The following PLCB1 variants were observed in gnomAD, a reference collection of about 807,000 sequenced individuals.
PLCB1 encodes the protein 1-phosphatidylinositol 4,5-bisphosphate phosphodiesterase beta-1.
PLCB1 carries 46 observed loss-of-function variants against 161.8 expected under a neutral mutation model. That is an observed-to-expected ratio of 0.28 (90% CI 0.22 to 0.36). The LOEUF is 0.36. Among genes scored for constraint, PLCB1 ranks in the 10% least tolerant of loss-of-function variants. The pLI, the probability that PLCB1 is intolerant of heterozygous loss-of-function variation, is 1.00. For synonymous variants in PLCB1, 517 were observed against 503.7 expected, an observed-to-expected ratio of 1.03 and a Z score of -0.35; for missense variants, 1,016 against 1,472.5, an observed-to-expected ratio of 0.69 and a Z score of 5.07.
intron 31 of PLCB1, among the ~76,000 whole-genome samples, chr20:8,871,461 C>A (rs1008707888): frequency 6.6e-5 from 10 of 152,114 alleles, no homozygotes; most frequent in African/African-American, 9.7e-5. Context: ...AAAGTATTTC[C>A]CATATTACCT....
chr20:8,780,998 T>C (rs570815426), intron 27 of PLCB1, among the ~76,000 whole-genome samples: 11 of 152,346 alleles, frequency 7.2e-5, no homozygotes, highest in African/African-American at 2.6e-4. Flanking sequence ...ATTACAGTTT[T>C]TTATATCTTG....
intron 19 of PLCB1, among the ~76,000 whole-genome samples, chr20:8,735,051 T>C (rs1980508711): frequency 6.6e-6 from 1 of 152,230 alleles, no homozygotes; most frequent in Admixed American, 6.5e-5. Context: ...TTGGCAGAAT[T>C]AGAGTTTATT....
chr20:8,333,967 T>C (rs185946032), intron 2 of PLCB1, among the ~76,000 whole-genome samples: 233 of 152,300 alleles, frequency 1.5e-3, no homozygotes, highest in Non-Finnish European at 2.6e-3. Context: ...CCCAGCACTT[T>C]GGGAAGCGGA....
chr20:8,711,382 A>G (rs975342906), intron 12 of PLCB1, among the ~76,000 whole-genome samples: 2 of 152,258 alleles, frequency 1.3e-5, no homozygotes, highest in Admixed American at 1.3e-4. Context: ...AAAACTGGAC[A>G]TGAAAACTAA....
At chr20:8,290,734 A>G (rs1410751395) in intron 2 of PLCB1, among the ~76,000 whole-genome samples, 2 of 152,144 alleles carry the variant, frequency 1.3e-5, no homozygotes, top group Non-Finnish European at 2.9e-5. Context: ...TTTGTGCACC[A>G]GTGACTTCTC....
At chr20:8,733,120 T>G in intron 18 of PLCB1, 118 bp from the exon 19 acceptor site, 1 of 1,001,436 alleles carries the variant, frequency 1.0e-6, no homozygotes, top group South Asian at 1.6e-5. Flanking sequence ...CTACAATGAC[T>G]CTCTTCCAAG....
chr20:8,402,570 C>T (rs975266284), intron 3 of PLCB1, among the ~76,000 whole-genome samples: 1 of 151,652 alleles, frequency 6.6e-6, no homozygotes, highest in African/African-American at 2.4e-5. Flanking sequence ...CGTGGTGGCT[C>T]ATGTCTGTAA....
At chr20:8,746,930 G>T (rs534950130) in intron 23 of PLCB1, among the ~76,000 whole-genome samples, 1 of 152,160 alleles carries the variant, frequency 6.6e-6, no homozygotes, top group Non-Finnish European at 1.5e-5. Context: ...CTGGGACTCA[G>T]CATCTCTAAT....
chr20:8,880,820 A>C (rs1456765955), intron 31 of PLCB1: 1 of 100,112 alleles, frequency 1.0e-5, no homozygotes, highest in African/African-American at 3.9e-5. Flanking sequence ...ACATTTTTCT[A>C]TTTTTCTTTC....
intron 25 of PLCB1, among the ~76,000 whole-genome samples, chr20:8,764,348 G>A (rs1982204368): frequency 6.6e-6 from 1 of 152,122 alleles, no homozygotes; most frequent in Non-Finnish European, 1.5e-5. Flanking sequence ...TTTTAGAAAT[G>A]ATGTTGTAGA....
intron 3 of PLCB1, among the ~76,000 whole-genome samples, chr20:8,611,562 A>G (rs567297774): frequency 7.9e-5 from 12 of 152,244 alleles, no homozygotes; most frequent in Admixed American, 3.3e-4. Context: ...TGGCTATATC[A>G]TGTTTTTTAC....
At chr20:8,502,837 T>A (rs775568259) in intron 3 of PLCB1, among the ~76,000 whole-genome samples, 1 of 152,124 alleles carries the variant, frequency 6.6e-6, no homozygotes, top group Non-Finnish European at 1.5e-5. Flanking sequence ...ATTTGCAAAA[T>A]TAGTTTAATT....
At chr20:8,207,199 A>G (rs1978579832) in intron 2 of PLCB1, among the ~76,000 whole-genome samples, 1 of 152,008 alleles carries the variant, frequency 6.6e-6, no homozygotes, top group South Asian at 2.1e-4. Context: ...GCCATGAAAA[A>G]CTCTAATTAT....
At chr20:8,274,110 T>G (rs1002220383) in intron 2 of PLCB1, among the ~76,000 whole-genome samples, 1 of 152,172 alleles carries the variant, frequency 6.6e-6, no homozygotes, top group Non-Finnish European at 1.5e-5. Context: ...ATAACCACTG[T>G]TAGCAACTTT....
intron 31 of PLCB1, among the ~76,000 whole-genome samples, chr20:8,838,400 C>A (rs142248946): frequency 3.3e-5 from 5 of 152,306 alleles, no homozygotes; most frequent in Admixed American, 1.3e-4. Flanking sequence ...GTCCACCAGG[C>A]AGAGTAGGGC....
intron 3 of PLCB1, among the ~76,000 whole-genome samples, chr20:8,374,241 A>G (rs964688234): frequency 2.0e-5 from 3 of 152,112 alleles, no homozygotes; most frequent in African/African-American, 7.2e-5. Context: ...TGATGGTTTT[A>G]TAAGTGTTTG....
At chr20:8,771,265 T>C (rs1982662878) in intron 26 of PLCB1, among the ~76,000 whole-genome samples, 1 of 152,216 alleles carries the variant, frequency 6.6e-6, no homozygotes, top group Admixed American at 6.5e-5. Flanking sequence ...TTGGATATAT[T>C]AAGTTAAATA....
chr20:8,697,847 C>T, intron 11 of PLCB1, 64 bp downstream of exon 11: 2 of 1,466,588 alleles, frequency 1.4e-6, no homozygotes, highest in Non-Finnish European at 1.9e-6. Flanking sequence ...TGGTTAAAGC[C>T]TCCTAAGGTA....
intron 14 of PLCB1, 26 bp from the exon 15 acceptor site, chr20:8,722,328 G>A: frequency 6.4e-7 from 1 of 1,562,714 alleles, no homozygotes; most frequent in South Asian, 1.1e-5. Flanking sequence ...ATGGTGACAT[G>A]ATGATCTGTT....
Sources: allele counts gnomAD v4.1 joint callset (sites outside exome capture counted in the v4.1 genomes callset), GRCh38; gene constraint gnomAD v4.1.1; transcripts MANE v1.5; gene names NCBI Gene and HGNC (gene_info 2026-07-23, HGNC 2026-07-21).